Variants in HIPK2 observed in about 807,000 individuals in gnomAD.
HIPK2 encodes the protein homeodomain interacting protein kinase 2, also known as homeodomain-interacting protein kinase 2.
In HIPK2, 27 loss-of-function variants were observed where a neutral mutation model predicts 113.7. The observed-to-expected ratio is 0.24, with a 90% CI of 0.17 to 0.33. The LOEUF (loss-of-function observed/expected upper bound fraction) is 0.33, where lower values mean the gene tolerates loss of function less well. Ranked by LOEUF, HIPK2 falls within the 10% of genes least tolerant of loss-of-function variation. The probability of loss-of-function intolerance (pLI) is 1.00; values close to 1 mark genes in which losing one functional copy is unlikely to be tolerated. For synonymous variants in HIPK2, 631 were observed against 642.2 expected (o/e 0.98, Z 0.26); for missense variants, 1,257 against 1,588.0 (o/e 0.79, Z 3.54).
intron 2 of HIPK2, among the ~76,000 whole-genome samples, chr7:139,652,815 C>G (rs1231828177): frequency 2.0e-5 from 3 of 152,034 alleles, no homozygotes; most frequent in African/African-American, 7.2e-5. Context: ...AAGAAAACAT[C>G]ATTAACGAAG....
At chr7:139,732,444 G>C (rs948904885) in intron 1 of HIPK2, among the ~76,000 whole-genome samples, 1 of 152,152 alleles carries the variant, frequency 6.6e-6, no homozygotes, top group Non-Finnish European at 1.5e-5. Context: ...CTTGTAGCGG[G>C]GCGCCTTCCC....
intron 1 of HIPK2, among the ~76,000 whole-genome samples, chr7:139,743,703 T>C (rs868585898): frequency 6.6e-6 from 1 of 152,062 alleles, no homozygotes; most frequent in African/African-American, 2.4e-5. Context: ...GGCTCCAGGA[T>C]CAAAATGGCT....
intron 1 of HIPK2, among the ~76,000 whole-genome samples, chr7:139,717,613 C>T (rs894494407): frequency 6.6e-5 from 10 of 152,222 alleles, no homozygotes; most frequent in African/African-American, 1.4e-4. Context: ...CAGCATAAAA[C>T]ATTTTATCAG....
At chr7:139,677,809 T>C (rs1030128626) in intron 2 of HIPK2, among the ~76,000 whole-genome samples, 1 of 152,188 alleles carries the variant, frequency 6.6e-6, no homozygotes, top group Non-Finnish European at 1.5e-5. Flanking sequence ...TCTTCCACAA[T>C]GGTTGAACTA....
chr7:139,758,361 A>G (rs1256299316), intron 1 of HIPK2, among the ~76,000 whole-genome samples: 1 of 152,262 alleles, frequency 6.6e-6, no homozygotes, highest in African/African-American at 2.4e-5. Context: ...GGGTTATGAT[A>G]CTATGGGAAA....
At chr7:139,608,152 G>A (rs112878829) in intron 9 of HIPK2, among the ~76,000 whole-genome samples, 1,756 of 151,856 alleles carry the variant, frequency 0.012, 32 homozygotes, top group African/African-American at 0.04. Flanking sequence ...GCTGAGGCAC[G>A]AGAATTGCTT....
Position 139,631,401 on chromosome 7 carries a change from T to C in HIPK2, c.1228-117A>G, listed in dbSNP as rs1800611483. 6.9e-7 allele frequency: 1 copy of C among 1,445,014 alleles called. No homozygotes were observed. Among genetic ancestry groups the C allele is most frequent in the African/African-American group, 1.5e-5 (1 of 68,594 alleles). The allele number at this position is 1,445,014 out of a possible 1,614,324, so 89.5% of individuals were successfully genotyped here. A position where few individuals can be genotyped will look rare whatever the true frequency, so the allele number is the denominator to read the frequency against. ...ATGACAATTTTTGTAGGGAAAGAAG[T>C]TAACAAAAAAGAGAAAAAAGAAAAA... is the stretch of plus-strand genomic sequence containing the variant. On this transcript the variant is annotated intron_variant, in intron 3 of 14. Coordinates refer to ENST00000406875, the MANE Select transcript of HIPK2 (RefSeq NM_022740.5). This position sits in a 1 kb window ranked among gnomAD's most constrained non-coding sequence, Gnocchi z 4.9.
At chr7:139,757,811 A>T (rs1796386999) in intron 1 of HIPK2, among the ~76,000 whole-genome samples, 1 of 152,200 alleles carries the variant, frequency 6.6e-6, no homozygotes, top group African/African-American at 2.4e-5. Flanking sequence ...CCTAAAAACC[A>T]CTGAACTATA....
intron 10 of HIPK2, among the ~76,000 whole-genome samples, chr7:139,603,177 G>A (rs778452417): frequency 6.6e-6 from 1 of 152,114 alleles, no homozygotes; most frequent in African/African-American, 2.4e-5. Context: ...AGCCTTGTAG[G>A]TCAGAATAAG....
rs1315828420 is a variant in HIPK2, at chr7:139,727,008, C to T, written c.20-9993G>A. 3.3e-5 allele frequency among the ~76,000 whole-genome samples: 5 copies of T among 152,168 alleles called. No individual in the cohort carries two copies. In the East Asian group the frequency reaches 9.7e-4, roughly 29 times the overall value. ...CAACAAAGAGGAAATGTTCTATATG[C>T]AACAAGAAAAAAGCCAGGTTAGGGA... is the stretch of plus-strand genomic sequence containing the variant. On this transcript the variant is annotated intron_variant, in intron 1 of 14. Transcript: ENST00000406875.
In HIPK2 at chr7:139,575,121, G is replaced by A; in HGVS notation, c.3126+7C>T. The A allele has an allele frequency of 1.3e-6, 2 of 1,588,674 alleles. No individual in the cohort carries two copies. Among genetic ancestry groups the A allele is most frequent in the Non-Finnish European group, 1.7e-6 (2 of 1,168,204 alleles). On this transcript the variant is annotated splice_region_variant and intron_variant, in intron 14 of 14. Coordinates refer to ENST00000406875, the MANE Select transcript of HIPK2 (RefSeq NM_022740.5). The stretch of plus-strand genomic sequence containing the variant: ...GCCTGGCCTGGGGCGCCAGCTGTGG[G>A]GCTTACCTGGCTGAGATTGAGTGGC...
At chr7:139,604,896 T>C (rs1276281763) in intron 9 of HIPK2, among the ~76,000 whole-genome samples, 3 of 152,124 alleles carry the variant, frequency 2.0e-5, no homozygotes. Flanking sequence ...GGTAGTTGAG[T>C]TGAGCTAGAT....
chr7:139,605,235 GGTGT>G (rs34675356), intron 9 of HIPK2, among the ~76,000 whole-genome samples: 91 of 147,636 alleles, frequency 6.2e-4, no homozygotes, highest in East Asian at 9.9e-4. Context: ...TAGATTCACT[GGTGT>G]GTGTGTGTGT....
At chr7:139,722,344 C>T (rs1441692869) in intron 1 of HIPK2, among the ~76,000 whole-genome samples, 3 of 152,048 alleles carry the variant, frequency 2.0e-5, no homozygotes, top group African/African-American at 4.8e-5. Flanking sequence ...TCTCTCATGC[C>T]GAAACAAATC....
At chr7:139,731,843 T>C (rs753066875) in intron 1 of HIPK2, among the ~76,000 whole-genome samples, 3 of 152,228 alleles carry the variant, frequency 2.0e-5, no homozygotes, top group Non-Finnish European at 2.9e-5. Flanking sequence ...GTTACAACTG[T>C]TTTGTTCCTT....
At chr7:139,605,461 T>C (rs1379043846) in intron 9 of HIPK2, among the ~76,000 whole-genome samples, 1 of 152,222 alleles carries the variant, frequency 6.6e-6, no homozygotes, top group Admixed American at 6.5e-5. Context: ...TGGATGTGAC[T>C]AACATTGGGT....
At position 139,588,848 on chromosome 7, in the gene HIPK2, C is replaced by T. The variant is rs575929028; in HGVS notation, c.2718-4784G>A. ...TCCCACCTCACACTGTTTCGAAGTA[C>T]TCTGAGGGCCAGGGGAAGAGCTGGG... On this transcript the variant is annotated intron_variant, in intron 12 of 14. Coordinates refer to ENST00000406875, the MANE Select transcript of HIPK2 (RefSeq NM_022740.5). 2.0e-5 allele frequency among the ~76,000 whole-genome samples: 3 copies of T among 152,352 alleles called. No homozygotes were observed. The South Asian group carries it at 6.2e-4, about 32-fold the overall frequency.
chr7:139,776,393 A>G (rs1315526058), intron 1 of HIPK2, among the ~76,000 whole-genome samples: 3 of 151,694 alleles, frequency 2.0e-5, no homozygotes, highest in Admixed American at 6.6e-5. Flanking sequence ...GGAGCCCTGA[A>G]ACTAATAACA....
intron 9 of HIPK2, 50 bp from the exon 10 acceptor site, chr7:139,604,273 T>C (rs1585264753): frequency 2.6e-6 from 4 of 1,561,320 alleles, no homozygotes; most frequent in Admixed American, 3.5e-5. Flanking sequence ...ATCACATAAT[T>C]GATTTGCATG....
Sources: allele counts gnomAD v4.1 joint callset (sites outside exome capture counted in the v4.1 genomes callset), GRCh38; gene constraint gnomAD v4.1.1; non-coding constraint Gnocchi (gnomAD v3.1); transcripts MANE v1.5; gene names NCBI Gene and HGNC (gene_info 2026-07-23, HGNC 2026-07-21).